The following MPP7 variants were observed in gnomAD, a reference collection of about 807,000 sequenced individuals.
MPP7 encodes MAGUK p55 subfamily member 7.
A neutral mutation model predicts 76.5 loss-of-function variants in MPP7; 60 were observed. The ratio of observed to expected loss-of-function variants is 0.78; its 90% CI spans 0.64 to 0.97. The LOEUF (loss-of-function observed/expected upper bound fraction) is 0.97. MPP7 is among the 50% of genes least tolerant of loss of function. MPP7 has a pLI of 0.00. For missense variants in MPP7, 641 were observed against 694.0 expected, an observed-to-expected ratio of 0.92 and a Z score of 0.86; for synonymous variants, 237 against 244.5, an observed-to-expected ratio of 0.97 and a Z score of 0.29.
intron 2 of MPP7, 43 bp from the exon 3 acceptor site, chr10:28,202,314 T>A (rs1837802640): frequency 7.1e-7 from 1 of 1,408,366 alleles, no homozygotes. Context: ...CTTAGAGTGA[T>A]CTCATTAATT....
upstream of MPP7, among the ~76,000 whole-genome samples, chr10:28,304,030 G>T (rs1841226015): frequency 1.3e-5 from 2 of 151,948 alleles, no homozygotes; most frequent in African/African-American, 4.8e-5. Context: ...AAAAAAATCA[G>T]GTAATATAAA....
intron 12 of MPP7, among the ~76,000 whole-genome samples, chr10:28,077,994 G>A (rs1299348468): frequency 6.6e-6 from 1 of 152,182 alleles, no homozygotes; most frequent in Non-Finnish European, 1.5e-5. Context: ...TTACAGATGA[G>A]AACACTGAGA....
rs186946480 is a variant in MPP7, at chr10:28,229,832, T to C, written c.37+8736A>G. Among the ~76,000 whole-genome samples, 1,491 of 150,970 alleles carry C rather than the reference T, an allele frequency of 9.9e-3. 25 individuals are homozygous for C. Among genetic ancestry groups the C allele is most frequent in the East Asian group, 0.065 (333 of 5,134 alleles). On this transcript the variant is annotated intron_variant, in intron 2 of 16. Transcript: ENST00000683449. ...TGAACCCGGGAGGCGGAGCTTGCAG[T>C]GAGCTGAGATCACGCCACTGCACTC...
intron 12 of MPP7, among the ~76,000 whole-genome samples, chr10:28,081,770 T>C (rs996929645): frequency 2.0e-5 from 3 of 147,928 alleles, no homozygotes; most frequent in Admixed American, 1.4e-4. Flanking sequence ...ATTATTCTCT[T>C]TTTTTTTTTT....
At chr10:28,303,447 C>T (rs1177375719), upstream of MPP7, 1 of 152,246 alleles carries the variant, frequency 6.6e-6, no homozygotes, top group Non-Finnish European at 1.5e-5. Flanking sequence ...CGCTGCGATT[C>T]TCTGATTTCA....
intron 11 of MPP7, chr10:28,118,800 C>T (rs61842985): frequency 4.0e-4 from 391 of 985,270 alleles, no homozygotes; most frequent in Non-Finnish European, 4.3e-4. Context: ...CTATATGCTT[C>T]TGCAAACTGA....
At chr10:28,270,566 C>G (rs1163947392) in intron 1 of MPP7, among the ~76,000 whole-genome samples, 11 of 112,950 alleles carry the variant, frequency 9.7e-5, no homozygotes, top group African/African-American at 3.0e-4. Flanking sequence ...GGGGAGGGGG[C>G]GCAATCTACA....
intron 2 of MPP7, among the ~76,000 whole-genome samples, chr10:28,212,381 A>G (rs1247152901): frequency 6.6e-6 from 1 of 152,190 alleles, no homozygotes; most frequent in African/African-American, 2.4e-5. Flanking sequence ...AAAATCAAAC[A>G]TAACTCCAAC....
intron 4 of MPP7, among the ~76,000 whole-genome samples, chr10:28,149,726 G>A (rs981073337): frequency 6.6e-6 from 1 of 152,120 alleles, no homozygotes; most frequent in African/African-American, 2.4e-5. Flanking sequence ...AGAGTTTAAA[G>A]CCTAAAATGT....
chr10:28,243,638 A>C (rs1839343648), intron 1 of MPP7, among the ~76,000 whole-genome samples: 1 of 152,090 alleles, frequency 6.6e-6, no homozygotes, highest in Non-Finnish European at 1.5e-5. Flanking sequence ...TGTAACAGCA[A>C]ATATCCACAG....
intron 3 of MPP7, among the ~76,000 whole-genome samples, chr10:28,163,754 C>T (rs1291934612): frequency 1.3e-5 from 2 of 151,868 alleles, no homozygotes; most frequent in Admixed American, 6.6e-5. Context: ...TTGAGACCAG[C>T]CTGGCCAACA....
In MPP7 at chr10:28,218,648, C is replaced by A. The variant is rs150204658; in HGVS notation, c.38-16377G>T. Among the ~76,000 whole-genome samples, 240 of 152,106 alleles carry A rather than the reference C, an allele frequency of 1.6e-3. 1 individual carries two copies. Among genetic ancestry groups the A allele is most frequent in the African/African-American group, 5.3e-3 (219 of 41,516 alleles). On this transcript the variant is annotated intron_variant, in intron 2 of 16. Transcript: ENST00000683449. ...CTAGGCAATGATACCTACTGCCATGCGATCACAGTCTCCAAACACAAGGAA... is the reference window on the plus strand; with the variant it reads ...CTAGGCAATGATACCTACTGCCATGAGATCACAGTCTCCAAACACAAGGAA...
At chr10:28,266,057 T>C (rs551775853) in intron 1 of MPP7, among the ~76,000 whole-genome samples, 1 of 152,214 alleles carries the variant, frequency 6.6e-6, no homozygotes, top group East Asian at 1.9e-4. Context: ...CCTCCCGAGT[T>C]CAAGCGATTC....
intron 10 of MPP7, 74 bp from the exon 11 acceptor site, chr10:28,119,789 A>C: frequency 8.3e-7 from 1 of 1,206,608 alleles, no homozygotes; most frequent in South Asian, 1.4e-5. Flanking sequence ...CAAAATATTT[A>C]GTCTTAAGAA....
rs979321384 is a variant in MPP7, at chr10:28,258,267, A to G, written c.-131-19532T>C. Among the ~76,000 whole-genome samples, 2 of 151,304 alleles carry G rather than the reference A, an allele frequency of 1.3e-5. 1 individual carries two copies. Among genetic ancestry groups the G allele is most frequent in the East Asian group, 3.9e-4 (2 of 5,190 alleles). On this transcript the variant is annotated intron_variant, in intron 1 of 16. Coordinates refer to ENST00000683449, the MANE Select transcript of MPP7 (RefSeq NM_001318170.2). Reference sequence around the variant, plus strand: ...AGAAGACAAGAAAGGTTAAAAAAAAAAAAAGGCATTGCTGCTATTAATACC... The same window carrying G: ...AGAAGACAAGAAAGGTTAAAAAAAAGAAAAGGCATTGCTGCTATTAATACC...
chr10:28,178,357 T>C (rs1341965319), intron 3 of MPP7, among the ~76,000 whole-genome samples: 3 of 152,006 alleles, frequency 2.0e-5, no homozygotes, highest in Non-Finnish European at 4.4e-5. Flanking sequence ...CAATCAGCTC[T>C]TTTAACAACT....
intron 11 of MPP7, among the ~76,000 whole-genome samples, chr10:28,101,147 T>C (rs1002398036): frequency 5.3e-5 from 8 of 152,178 alleles, no homozygotes; most frequent in African/African-American, 1.9e-4. Flanking sequence ...TATTTCCAAG[T>C]AGTATTCCAG....
At chr10:28,183,101 CA>C (rs1255062520) in intron 3 of MPP7, among the ~76,000 whole-genome samples, 1 of 151,948 alleles carries the variant, frequency 6.6e-6, no homozygotes, top group Admixed American at 6.6e-5. Context: ...AAAAAAAGAG[CA>C]AGTTGAGGAA....
At chr10:28,312,441 C>T (rs561440942) in intron 2 of MPP7, among the ~76,000 whole-genome samples, 2 of 152,200 alleles carry the variant, frequency 1.3e-5, no homozygotes, top group East Asian at 1.9e-4. Context: ...CTGATTGGTG[C>T]GTTTTACAAT....
Sources: gnomAD v4.1 joint callset for allele counts (sites outside exome capture counted in the v4.1 genomes callset) on GRCh38, gnomAD v4.1.1 for gene constraint, MANE v1.5 for transcripts, NCBI Gene and HGNC (gene_info 2026-07-23, HGNC 2026-07-21) for gene names.